ASIC3: variants seen among roughly 807,000 people sequenced by gnomAD.
ASIC3 encodes the protein acid sensing ion channel subunit 3, also known as acid-sensing ion channel 3.
Under a neutral mutation model 58.6 loss-of-function variants are expected in ASIC3, and 46 were observed. The ratio of observed to expected loss-of-function variants is 0.79; its 90% CI spans 0.62 to 1.00. The LOEUF (loss-of-function observed/expected upper bound fraction) is 1.00, where lower values mean the gene tolerates loss of function less well. Among genes scored for constraint, ASIC3 ranks in the 50% least tolerant of loss-of-function variants. The pLI is 0.00. For missense variants in ASIC3, 770 were observed against 735.0 expected (o/e 1.05, Z -0.55); for synonymous variants, 336 against 300.2 (o/e 1.12, Z -1.23).
At chr7:151,049,975 G>C in intron 1 of ASIC3, 131 bp from the exon 2 acceptor site, 1 of 1,226,356 alleles carries the variant, frequency 8.2e-7, no homozygotes. Context: ...CTGGAGCGTG[G>C]GGCTGGGGGC....
chr7:151,052,096 G>A lies in ASIC3; in HGVS notation c.1386+34G>A. ...GGGCCCCCACTGCAGGGGGTGGGAG[G>A]TGGGAATCAGGGCCCCTAGGATGAG... is the stretch of plus-strand genomic sequence containing the variant. On this transcript the variant is annotated intron_variant, in intron 8 of 10. Transcript: ENST00000349064. This position sits in a 1 kb window ranked among gnomAD's most constrained non-coding sequence, Gnocchi z 5.0. 1.9e-6 allele frequency: 3 copies of A among 1,613,532 alleles called. No homozygotes were observed. The highest frequency in any genetic ancestry group is 2.5e-6 in the Non-Finnish European group (3 of 1,179,744).
chr7:151,051,930 G>C, intron 7 of ASIC3, 29 bp downstream of exon 7: 1 of 1,613,762 alleles, frequency 6.2e-7, no homozygotes, highest in Non-Finnish European at 8.5e-7. Flanking sequence ...CAGGGCTGGG[G>C]GGGTGTGGGC....
chr7:151,049,802 C>T (rs2150358528), intron 1 of ASIC3, among the ~76,000 whole-genome samples: 1 of 152,324 alleles, frequency 6.6e-6, no homozygotes, highest in African/African-American at 2.4e-5. Flanking sequence ...TTTCAACATA[C>T]TGCCAGCCCC....
chr7:151,048,588 T>A lies in ASIC3; in HGVS notation c.-298T>A, dbSNP rs1796682152. 4.9e-6 allele frequency: 2 copies of A among 406,070 alleles called. No homozygotes were observed. The highest frequency in any genetic ancestry group is 4.0e-5 in the Admixed American group (1 of 25,114). 25.2% of individuals were successfully genotyped at this position (406,070 alleles called of 1,614,324 possible). A position where few individuals can be genotyped will look rare whatever the true frequency, so the allele number is the denominator to read the frequency against. ...TCAGCACCGCTCCGCAGCCCCTGCCTGCCACGGTCAGCTACGTCCCACCTG... is the reference window on the plus strand; with the variant it reads ...TCAGCACCGCTCCGCAGCCCCTGCCAGCCACGGTCAGCTACGTCCCACCTG... On this transcript the variant is annotated 5_prime_UTR_variant, in exon 1 of 11. Transcript: ENST00000349064.
At chr7:151,051,932 G>C in intron 7 of ASIC3, 31 bp downstream of exon 7, 4 of 1,613,390 alleles carry the variant, frequency 2.5e-6, no homozygotes, top group African/African-American at 1.3e-5. Context: ...GGGCTGGGGG[G>C]GTGTGGGCAG....
chr7:151,049,018 T>TGG lies in ASIC3; in HGVS notation c.135_136dup (p.Ala46GlyfsTer58), dbSNP rs1168618733. On this transcript the variant is annotated frameshift_variant, in exon 1 of 11. Transcript: ENST00000349064. LOFTEE classifies it high-confidence loss of function. Reference sequence around the variant, plus strand: ...CAGCCTGAGCCTGCGCCGGGGGATGTGGGCAGCGGCCGTGGTCCTGTCAGT... The same window carrying TGG: ...CAGCCTGAGCCTGCGCCGGGGGATGTGGGGGCAGCGGCCGTGGTCCTGTCAGT... 1 of 1,612,680 alleles carries TGG rather than the reference T, an allele frequency of 6.2e-7. No homozygotes were observed. Among genetic ancestry groups the TGG allele is most frequent in the South Asian group, 1.1e-5 (1 of 91,074 alleles).
At position 151,052,131 on chromosome 7, in the gene ASIC3, G is replaced by A; in HGVS notation, c.1387-35G>A. On this transcript the variant is annotated intron_variant, in intron 8 of 10. Coordinates refer to ENST00000349064, the MANE Select transcript of ASIC3 (RefSeq NM_004769.4). The surrounding 1 kb of genome is among the most constrained non-coding windows in gnomAD (Gnocchi z 5.0). ...GGGCCCCTAGGATGAGGGGGAAGGT[G>A]TGCACTGGCCACCTCCCATCCTGCT... The A allele has an allele frequency of 1.2e-6, 2 of 1,613,934 alleles. No individual in the cohort carries two copies. The highest frequency in any genetic ancestry group is 1.7e-6 in the Non-Finnish European group (2 of 1,179,948).
At position 151,051,246 on chromosome 7, in the gene ASIC3, AT is replaced by A; in HGVS notation, c.1142del (p.Met381ArgfsTer77). 6.4e-7 allele frequency: 1 copy of A among 1,558,068 alleles called. No individual in the cohort carries two copies. The highest frequency in any genetic ancestry group is 1.2e-5 in the South Asian group (1 of 85,912). ...ASTRYAKELS[M>X]VRIPSRAAAR... ...CACGCGCTACGCCAAGGAGCTCTCC[AT>A]GGTGCGGATCCCGAGCCGCGCCGCC... is the stretch of plus-strand genomic sequence containing the variant. On this transcript the variant is annotated frameshift_variant, in exon 6 of 11. Coordinates refer to ENST00000349064, the MANE Select transcript of ASIC3 (RefSeq NM_004769.4). LOFTEE classifies it high-confidence loss of function.
rs1342872656 is a variant in ASIC3, at chr7:151,048,639, T to G, written c.-247T>G. 2 of 511,268 alleles carry G rather than the reference T, an allele frequency of 3.9e-6. No individual in the cohort carries two copies. The highest frequency in any genetic ancestry group is 3.8e-5 in the African/African-American group (2 of 52,624). 31.7% of individuals were successfully genotyped at this position (511,268 alleles called of 1,614,324 possible). ...GTCTGCTGCGGAGTCCCCAGCCCAGTGCCTAGCCCAGTGGAGCCACCGCCT... is the reference window on the plus strand; with the variant it reads ...GTCTGCTGCGGAGTCCCCAGCCCAGGGCCTAGCCCAGTGGAGCCACCGCCT... On this transcript the variant is annotated 5_prime_UTR_variant, in exon 1 of 11. Transcript: ENST00000349064.
rs762984808 is a variant in ASIC3, at chr7:151,049,168, A to G, written c.283A>G (p.Asn95Asp). Residue 95 changes from asparagine (N) to aspartate (D), a missense_variant, in exon 1 of 11, where the codon AAC (asparagine) becomes GAC (aspartate). Transcript: ENST00000349064. ...CCCGGCTGTCACCCTGTGCAACATC[A>G]ACCCACTGCGCCGCTCGCGCCTAAC... is the stretch of plus-strand genomic sequence containing the variant. ...IFPAVTLCNINPLRRSRLTPN... is the reference protein window; with the variant it reads ...IFPAVTLCNIDPLRRSRLTPN... The G allele has an allele frequency of 2.5e-6, 4 of 1,613,762 alleles. No homozygotes were observed. In the Admixed American group the frequency reaches 6.7e-5, roughly 27 times the overall value.
chr7:151,051,183 C>A lies in ASIC3; in HGVS notation c.1078C>A (p.Arg360Ser). The change falls in exon 6 of 11, where the codon CGC (arginine) becomes AGC (serine). Residue 360 changes from arginine (R) to serine (S), a missense_variant. Arg to Ser is a moderately radical substitution (Grantham distance 110, BLOSUM62 -1). Coordinates refer to ENST00000349064, the MANE Select transcript of ASIC3 (RefSeq NM_004769.4). ...CCGGTGGCCCGCAGATGCCATGCTT[C>A]GCAAGGACTCGTGCGCCTGCCCCAA... ...CAHPAIDAML[R>S]KDSCACPNPC... 6.3e-7 allele frequency: 1 copy of A among 1,592,770 alleles called. No homozygotes were observed. Among genetic ancestry groups the A allele is most frequent in the Non-Finnish European group, 8.5e-7 (1 of 1,174,774 alleles).
In ASIC3 at chr7:151,049,222, G is replaced by A. The variant is rs749222515; in HGVS notation, c.337G>A (p.Ala113Thr). The change falls in exon 1 of 11, where the codon GCG becomes ACG. Residue 113 changes from alanine (A) to threonine (T), a missense_variant. Coordinates refer to ENST00000349064, the MANE Select transcript of ASIC3 (RefSeq NM_004769.4). ...CAACGACCTGCACTGGGCTGGGTCT[G>A]CGCTGCTGGGCCTGGATCCCGCAGA... ...TPNDLHWAGS[A>T]LLGLDPAEHA... The A allele has an allele frequency of 1.2e-6, 2 of 1,612,190 alleles. No individual in the cohort carries two copies. The highest frequency in any genetic ancestry group is 2.2e-5 in the South Asian group (2 of 91,010).
chr7:151,052,391 C>T lies in ASIC3; in HGVS notation c.1459-25C>T. On this transcript the variant is annotated intron_variant, in intron 9 of 10. Coordinates refer to ENST00000349064, the MANE Select transcript of ASIC3 (RefSeq NM_004769.4). This position sits in a 1 kb window ranked among gnomAD's most constrained non-coding sequence, Gnocchi z 5.0. ...CCCTGGGAGGAGGACCACTCCCCAC[C>T]TCTGACCCTCTCGTCCTCACACAGC... 6 of 1,613,904 alleles carry T rather than the reference C, an allele frequency of 3.7e-6. No homozygotes were observed. The highest frequency in any genetic ancestry group is 5.1e-6 in the Non-Finnish European group (6 of 1,179,960).
intron 6 of ASIC3, 22 bp from the exon 7 acceptor site, chr7:151,051,788 T>G (rs776743675): frequency 6.2e-7 from 1 of 1,610,548 alleles, no homozygotes. Context: ...CAGCCCACAT[T>G]TGAGGCCATT....
At position 151,048,698 on chromosome 7, in the gene ASIC3, C is replaced by A; in HGVS notation, c.-188C>A. The A allele has an allele frequency of 1.4e-6, 1 of 691,146 alleles. No individual in the cohort carries two copies. The highest frequency in any genetic ancestry group is 2.4e-6 in the Non-Finnish European group (1 of 417,118). The allele number at this position is 691,146 out of a possible 1,614,324, so 42.8% of individuals were successfully genotyped here. On this transcript the variant is annotated 5_prime_UTR_variant, in exon 1 of 11. Transcript: ENST00000349064. ...GGAAGGAACAGTGGGACCTGACCGG[C>A]CAGATCACCTCCTCCAATCCTGCCA...
chr7:151,050,408 AGTG>A, intron 2 of ASIC3, 70 bp from the exon 3 acceptor site: 1 of 1,587,042 alleles, frequency 6.3e-7, no homozygotes, highest in Non-Finnish European at 8.6e-7. Context: ...GAGGGGCTGC[AGTG>A]AGAGGTCTTG....
chr7:151,049,970 G>C, intron 1 of ASIC3, 136 bp from the exon 2 acceptor site: 5 of 1,145,490 alleles, frequency 4.4e-6, no homozygotes, highest in Non-Finnish European at 5.0e-6. Context: ...GCCCACTGGA[G>C]CGTGGGGCTG....
Position 151,051,109 on chromosome 7 carries a change from T to C in ASIC3, c.1066+14T>C, listed in dbSNP as rs1563320466. 2 of 1,606,816 alleles carry C rather than the reference T, an allele frequency of 1.2e-6. No homozygotes were observed. The highest frequency in any genetic ancestry group is 8.5e-7 in the Non-Finnish European group (1 of 1,178,318). ...ACCCGGCCATAGGTAAGGGCGAGCC[T>C]CCCCCACCTCCCGTCCGCCCCGCTC... On this transcript the variant is annotated intron_variant, in intron 5 of 10. Coordinates refer to ENST00000349064, the MANE Select transcript of ASIC3 (RefSeq NM_004769.4).
chr7:151,051,344 T>C (rs1257292972), intron 6 of ASIC3, 25 bp downstream of exon 6: 1 of 1,454,806 alleles, frequency 6.9e-7, no homozygotes, highest in South Asian at 1.4e-5. Flanking sequence ...GCGGGCGGGC[T>C]CCTCCGAGCC....
Sources: allele counts gnomAD v4.1 joint callset (sites outside exome capture counted in the v4.1 genomes callset), GRCh38; gene constraint gnomAD v4.1.1; non-coding constraint Gnocchi (gnomAD v3.1); transcripts MANE v1.5; gene names NCBI Gene and HGNC (gene_info 2026-07-23, HGNC 2026-07-21).